The following TRAPPC12 variants were observed in gnomAD, a reference collection of about 807,000 sequenced individuals.
TRAPPC12 encodes the protein TPR repeat protein 15.
In TRAPPC12, 61 loss-of-function variants were observed where a neutral mutation model predicts 69.2. The ratio of observed to expected loss-of-function variants is 0.88; its 90% CI spans 0.72 to 1.09. The LOEUF (loss-of-function observed/expected upper bound fraction) is 1.09. Ranked by LOEUF, TRAPPC12 falls within the 50% of genes least tolerant of loss-of-function variation. The pLI, the probability that TRAPPC12 is intolerant of heterozygous loss-of-function variation, is 0.00. For synonymous variants in TRAPPC12, 469 were observed against 438.9 expected (o/e 1.07, Z -0.86); for missense variants, 1,101 against 1,016.4 (o/e 1.08, Z -1.13).
chr2:3,415,408 T>A (rs988997694), intron 3 of TRAPPC12, among the ~76,000 whole-genome samples: 1 of 152,030 alleles, frequency 6.6e-6, no homozygotes, highest in Non-Finnish European at 1.5e-5. Flanking sequence ...TCTTTTCTTT[T>A]CTTTTCTTTT....
intron 6 of TRAPPC12, among the ~76,000 whole-genome samples, chr2:3,452,263 G>A (rs1664888869): frequency 6.6e-6 from 1 of 152,208 alleles, no homozygotes; most frequent in South Asian, 2.1e-4. Flanking sequence ...CAGCATAGCA[G>A]CTGGCTCCCT....
intron 9 of TRAPPC12, among the ~76,000 whole-genome samples, chr2:3,471,756 CT>C (rs1259869390): frequency 6.6e-6 from 1 of 152,186 alleles, no homozygotes; most frequent in Non-Finnish European, 1.5e-5. Context: ...TAGATTCCAC[CT>C]CAGAATCTCT....
intron 11 of TRAPPC12, 134 bp downstream of exon 11, chr2:3,479,067 C>G: frequency 6.7e-7 from 1 of 1,495,480 alleles, no homozygotes; most frequent in Admixed American, 2.0e-5. Context: ...GGCTGTGGCC[C>G]TTAGGGGAAG....
rs1208602643 is a variant in TRAPPC12, at chr2:3,457,667, G to A, written c.1577G>A (p.Ser526Asn). Residue 526 changes from serine (S) to asparagine (N), a missense_variant, in exon 7 of 12, where the codon AGC becomes AAC. Transcript: ENST00000324266. ...GGCTTAGCAGAAGACGGCGGCATGA[G>A]CAGCGTGACTCAGGAGGGCAGACAA... ...EQGLAEDGGM[S>N]SVTQEGRQAS... 1 of 1,611,746 alleles carries A rather than the reference G, an allele frequency of 6.2e-7. No homozygotes were observed. The highest frequency in any genetic ancestry group is 1.1e-5 in the South Asian group (1 of 91,052).
chr2:3,458,256 G>A (rs1423156818), intron 7 of TRAPPC12: 12 of 987,108 alleles, frequency 1.2e-5, no homozygotes, highest in South Asian at 4.7e-5. Flanking sequence ...CGGGGAGTGC[G>A]TTAGCCAGGA....
chr2:3,412,876 A>G (rs932813977), intron 3 of TRAPPC12, among the ~76,000 whole-genome samples: 9 of 152,228 alleles, frequency 5.9e-5, no homozygotes, highest in African/African-American at 4.8e-5. Context: ...AGCTAGGCAC[A>G]TAAGTTGATA....
chr2:3,421,683 C>G (rs1433534339), intron 3 of TRAPPC12, 198 bp from the exon 4 acceptor site: 6 of 716,002 alleles, frequency 8.4e-6, no homozygotes, highest in Non-Finnish European at 1.6e-5. Context: ...TCTCTTATTG[C>G]CTAATTACAC....
At chr2:3,385,749 T>C (rs772187291) in intron 1 of TRAPPC12, among the ~76,000 whole-genome samples, 14 of 152,212 alleles carry the variant, frequency 9.2e-5, no homozygotes, top group Non-Finnish European at 1.9e-4. Context: ...CGAAATCAAT[T>C]CTTATTTCTA....
chr2:3,470,718 G>A (rs1315871611), intron 9 of TRAPPC12, among the ~76,000 whole-genome samples: 1 of 152,118 alleles, frequency 6.6e-6, no homozygotes, highest in South Asian at 2.1e-4. Flanking sequence ...CTGAGCTTGG[G>A]AAAATTTGAA....
chr2:3,434,805 G>C (rs928408117), intron 5 of TRAPPC12, among the ~76,000 whole-genome samples: 1 of 152,180 alleles, frequency 6.6e-6, no homozygotes, highest in Non-Finnish European at 1.5e-5. Context: ...CTTGATAACC[G>C]AGTGTCTACA....
chr2:3,425,102 T>A (rs1040220446), intron 5 of TRAPPC12, among the ~76,000 whole-genome samples: 13 of 152,270 alleles, frequency 8.5e-5, no homozygotes, highest in African/African-American at 3.1e-4. Flanking sequence ...TTTAAAAATC[T>A]GGTTGTGGTT....
chr2:3,420,987 C>CTA (rs753928030), intron 3 of TRAPPC12, among the ~76,000 whole-genome samples: 4 of 152,224 alleles, frequency 2.6e-5, no homozygotes, highest in Non-Finnish European at 4.4e-5. Context: ...GATCATACCA[C>CTA]TAATGAGTGC....
intron 2 of TRAPPC12, among the ~76,000 whole-genome samples, chr2:3,400,960 T>G (rs896133266): frequency 2.0e-5 from 3 of 152,240 alleles, no homozygotes; most frequent in African/African-American, 7.2e-5. Flanking sequence ...CTTGCCCTTC[T>G]GTGTCTTCCC....
chr2:3,428,683 C>G (rs1048965974), intron 5 of TRAPPC12, among the ~76,000 whole-genome samples: 6 of 152,196 alleles, frequency 3.9e-5, no homozygotes, highest in Admixed American at 2.0e-4. Flanking sequence ...TCAGCCACCC[C>G]CAAAGCCCAG....
Position 3,477,733 on chromosome 2 carries a change from C to A in TRAPPC12, c.1815C>A (p.Asp605Glu). ...AAACAGCTGAAAAGTATTTTCAAGA[C>A]GTTGAGAAAGTAACACAGAAATTAG... The part of the protein sequence containing the change: ...DIKTAEKYFQ[D>E]VEKVTQKLDG... The change falls in exon 10 of 12, where the codon GAC (aspartate) becomes GAA (glutamate). Residue 605 changes from aspartate to glutamate, a missense_variant. Physicochemically the swap from Asp to Glu is conservative, Grantham distance 45. Coordinates refer to ENST00000324266, the MANE Select transcript of TRAPPC12 (RefSeq NM_016030.6). 6.2e-7 allele frequency: 1 copy of A among 1,607,754 alleles called. No homozygotes were observed. The highest frequency in any genetic ancestry group is 1.7e-5 in the Admixed American group (1 of 58,468).
chr2:3,461,411 C>G (rs1054565297), intron 8 of TRAPPC12, among the ~76,000 whole-genome samples: 1 of 152,258 alleles, frequency 6.6e-6, no homozygotes, highest in Admixed American at 6.5e-5. Flanking sequence ...GCGTCTACGT[C>G]AGGCTGGACG....
chr2:3,443,834 G>C lies in TRAPPC12; in HGVS notation c.1473G>C (p.Leu491=). The change falls in exon 6 of 12, where the codon CTG becomes CTC. Residue 491 remains leucine, a synonymous_variant. Transcript: ENST00000324266. ...RILHAELQQY[L]GNPQESLDRL... Reference sequence around the variant, plus strand: ...TGCACGCGGAGCTTCAGCAGTACCTGGGGAACCCACAGGAGTCGCTGGATA... The same window carrying C: ...TGCACGCGGAGCTTCAGCAGTACCTCGGGAACCCACAGGAGTCGCTGGATA... 6.2e-7 allele frequency: 1 copy of C among 1,614,104 alleles called. No individual in the cohort carries two copies. The highest frequency in any genetic ancestry group is 8.5e-7 in the Non-Finnish European group (1 of 1,180,028).
intron 6 of TRAPPC12, among the ~76,000 whole-genome samples, chr2:3,453,320 C>T (rs1454580671): frequency 2.0e-5 from 3 of 152,248 alleles, no homozygotes; most frequent in Non-Finnish European, 4.4e-5. Flanking sequence ...GACCCAGCTT[C>T]AACCCGTCGG....
At chr2:3,432,074 A>C (rs912509059) in intron 5 of TRAPPC12, among the ~76,000 whole-genome samples, 2 of 152,248 alleles carry the variant, frequency 1.3e-5, no homozygotes, top group Non-Finnish European at 2.9e-5. Flanking sequence ...GTTTCCATGC[A>C]ACTAGAGGGA....
Sources: gnomAD v4.1 joint callset for allele counts (sites outside exome capture counted in the v4.1 genomes callset) on GRCh38, gnomAD v4.1.1 for gene constraint, MANE v1.5 for transcripts, NCBI Gene and HGNC (gene_info 2026-07-23, HGNC 2026-07-21) for gene names.